Variants in THSD7A observed in about 807,000 individuals in gnomAD.
THSD7A encodes the protein thrombospondin type 1 domain containing 7A.
In THSD7A, 96 loss-of-function variants were observed where a neutral mutation model predicts 231.3. The ratio of observed to expected loss-of-function variants is 0.41; its 90% confidence interval spans 0.35 to 0.49. The LOEUF is 0.49. THSD7A is among the 20% of genes least tolerant of loss of function. The pLI, the probability that THSD7A is intolerant of heterozygous loss-of-function variation, is 0.05. For missense variants in THSD7A, 2,290 were observed against 2,070.2 expected (o/e 1.11, Z -2.06); for synonymous variants, 940 against 743.3 (o/e 1.26, Z -4.30).
At position 11,637,193 on chromosome 7, in the gene THSD7A, G is replaced by A. The variant is rs916855472; in HGVS notation, c.191-232C>T. ...TAACTTCTGGGACAATTTCACTTTG[G>A]GTCCTTTAGGGATTACGAAAAGTTT... On this transcript the variant is annotated intron_variant, in intron 1 of 27. Transcript: ENST00000423059. The surrounding 1 kb of genome is among the most constrained non-coding windows in gnomAD (Gnocchi z 4.2). Among the ~76,000 whole-genome samples, 1 of 152,100 alleles carries A rather than the reference G, an allele frequency of 6.6e-6. No individual in the cohort carries two copies. The highest frequency in any genetic ancestry group is 2.4e-5 in the African/African-American group (1 of 41,404).
chr7:11,445,981 T>C (rs1784956145), intron 13 of THSD7A, 80 bp downstream of exon 13: 1 of 1,539,662 alleles, frequency 6.5e-7, no homozygotes. Flanking sequence ...AACCTTCACT[T>C]CCATTCCACT....
At chr7:11,566,983 A>G (rs949385994) in intron 4 of THSD7A, among the ~76,000 whole-genome samples, 4 of 97,646 alleles carry the variant, frequency 4.1e-5, no homozygotes, top group Admixed American at 2.3e-4. Flanking sequence ...GGACTGACCA[A>G]CAAAGTTTCC....
At chr7:11,598,606 G>A (rs535879436) in intron 2 of THSD7A, among the ~76,000 whole-genome samples, 2 of 152,306 alleles carry the variant, frequency 1.3e-5, no homozygotes, top group South Asian at 2.1e-4. Context: ...CAATTACAAC[G>A]TAAACAAGGT....
At chr7:11,820,542 T>C in intron 1 of THSD7A, 1 of 737,762 alleles carries the variant, frequency 1.4e-6, no homozygotes. Context: ...CCGGTTTCTT[T>C]TTTGAAAATC....
intron 1 of THSD7A, among the ~76,000 whole-genome samples, chr7:11,648,923 C>A (rs963402712): frequency 3.3e-5 from 5 of 151,926 alleles, no homozygotes; most frequent in Non-Finnish European, 5.9e-5. Flanking sequence ...GTGTATGATG[C>A]TGTCAGGATG....
chr7:11,449,023 A>C (rs1785062469), intron 11 of THSD7A, among the ~76,000 whole-genome samples: 1 of 152,112 alleles, frequency 6.6e-6, no homozygotes, highest in Admixed American at 6.6e-5. Context: ...GGGAGGACAC[A>C]TCTGGTACTC....
At chr7:11,710,004 G>A (rs1399617090) in intron 1 of THSD7A, among the ~76,000 whole-genome samples, 2 of 150,776 alleles carry the variant, frequency 1.3e-5, no homozygotes, top group Non-Finnish European at 3.0e-5. Context: ...CTTCTTTAAT[G>A]TCATTATCTC....
At position 11,673,493 on chromosome 7, in the gene THSD7A, T is replaced by C. The variant is rs1466117325; in HGVS notation, c.191-36532A>G. Among the ~76,000 whole-genome samples the C allele has an allele frequency of 2.0e-5, 3 of 152,246 alleles. No homozygotes were observed. The East Asian group carries it at 5.8e-4, about 30-fold the overall frequency. On this transcript the variant is annotated intron_variant, in intron 1 of 27. Transcript: ENST00000423059. ...GCTTGGAAATTGCAGGGACTGGACATGTTCTTGTGCCCATCACCAAGGCCC... is the reference window on the plus strand; with the variant it reads ...GCTTGGAAATTGCAGGGACTGGACACGTTCTTGTGCCCATCACCAAGGCCC...
At chr7:11,708,008 A>G (rs571710864) in intron 1 of THSD7A, among the ~76,000 whole-genome samples, 1 of 150,934 alleles carries the variant, frequency 6.6e-6, no homozygotes, top group South Asian at 2.1e-4. Flanking sequence ...GTCAAACCAA[A>G]TATTCCTTGC....
chr7:11,595,270 C>G (rs1780318186), intron 2 of THSD7A, among the ~76,000 whole-genome samples: 1 of 152,130 alleles, frequency 6.6e-6, no homozygotes, highest in Non-Finnish European at 1.5e-5. Flanking sequence ...AGGAGGTGTG[C>G]TACACTTGAG....
chr7:11,554,305 G>A (rs887935035), intron 4 of THSD7A, among the ~76,000 whole-genome samples: 17 of 152,038 alleles, frequency 1.1e-4, no homozygotes, highest in African/African-American at 4.1e-4. Flanking sequence ...ATACAGAGAA[G>A]TACCATGCTT....
intron 1 of THSD7A, among the ~76,000 whole-genome samples, chr7:11,653,512 G>T (rs1367281737): frequency 1.3e-5 from 2 of 149,654 alleles, no homozygotes; most frequent in Non-Finnish European, 3.0e-5. Context: ...CCCAGAGACA[G>T]AGTCTTGCTA....
At chr7:11,553,896 T>C (rs920446503) in intron 4 of THSD7A, among the ~76,000 whole-genome samples, 1 of 151,942 alleles carries the variant, frequency 6.6e-6, no homozygotes, top group East Asian at 1.9e-4. Context: ...AGATGGCCAA[T>C]GAAGTATTCT....
At chr7:11,677,584 CAAAAAAAAAAA>C (rs553030554) in intron 1 of THSD7A, among the ~76,000 whole-genome samples, 272 of 22,272 alleles carry the variant, frequency 0.012, 4 homozygotes, top group African/African-American at 0.067. Context: ...AAATGGAAAG[CAAAAAAAAAAA>C]AAAAAAAAAA....
intron 1 of THSD7A, among the ~76,000 whole-genome samples, chr7:11,650,204 C>T (rs1342812486): frequency 6.6e-6 from 1 of 152,026 alleles, no homozygotes; most frequent in African/African-American, 2.4e-5. Context: ...TTTATAATAG[C>T]TTGCTGTCAT....
intron 1 of THSD7A, among the ~76,000 whole-genome samples, chr7:11,753,570 C>CTG: frequency 6.6e-6 from 1 of 151,670 alleles, no homozygotes; most frequent in Middle Eastern, 3.4e-3. Flanking sequence ...CTCTCTCTCT[C>CTG]TCTCTCTGCA....
intron 6 of THSD7A, among the ~76,000 whole-genome samples, chr7:11,483,727 T>C (rs182766857): frequency 1.3e-5 from 2 of 152,066 alleles, no homozygotes; most frequent in South Asian, 2.1e-4. Context: ...TATTGTACCA[T>C]CTACCTTCTC....
intron 1 of THSD7A, among the ~76,000 whole-genome samples, chr7:11,662,364 T>TTCTAAATTTGTATGTGC (rs1161703161): frequency 2.0e-5 from 3 of 151,372 alleles, no homozygotes; most frequent in Non-Finnish European, 4.4e-5. Flanking sequence ...GATGAATCAC[T>TTCTAAATTTGTATGTGC]TCTAAATTTG....
chr7:11,436,277 T>C (rs1000858883), intron 13 of THSD7A, among the ~76,000 whole-genome samples: 1 of 152,090 alleles, frequency 6.6e-6, no homozygotes, highest in Non-Finnish European at 1.5e-5. Context: ...AAATGATTTA[T>C]TTTTAACTTG....
Sources: allele counts gnomAD v4.1 joint callset (sites outside exome capture counted in the v4.1 genomes callset), GRCh38; gene constraint gnomAD v4.1.1; non-coding constraint Gnocchi (gnomAD v3.1); transcripts MANE v1.5; gene names NCBI Gene and HGNC (gene_info 2026-07-23, HGNC 2026-07-21).